Variants in FRMD5 observed in about 807,000 individuals in gnomAD.
The protein encoded by FRMD5 is FERM domain containing 5, also known as FERM domain-containing protein 5.
FRMD5 carries 20 observed loss-of-function variants against 69.0 expected under a neutral mutation model. That is an observed-to-expected ratio of 0.29 (90% CI 0.20 to 0.42). The LOEUF is 0.42. Among genes scored for constraint, FRMD5 ranks in the 10% least tolerant of loss-of-function variants. FRMD5 has a pLI of 1.00. For synonymous variants in FRMD5, 271 were observed against 260.1 expected (o/e 1.04, Z -0.40); for missense variants, 595 against 708.6 (o/e 0.84, Z 1.82).
At chr15:44,198,041 T>A (rs2696077), upstream of FRMD5, among the ~76,000 whole-genome samples, 18,034 of 152,192 alleles carry the variant, frequency 0.12, 2,564 homozygotes, top group African/African-American at 0.34. Flanking sequence ...CTGGGTGCAG[T>A]GGCTCATGCC....
At chr15:43,973,156 G>A (rs932864952) in intron 1 of FRMD5, among the ~76,000 whole-genome samples, 2 of 151,908 alleles carry the variant, frequency 1.3e-5, no homozygotes, top group African/African-American at 2.4e-5. Context: ...CCGAGTAGCT[G>A]GGACTACAGA....
chr15:43,986,679 T>C (rs1299403608), intron 1 of FRMD5, among the ~76,000 whole-genome samples: 1 of 149,874 alleles, frequency 6.7e-6, no homozygotes, highest in Non-Finnish European at 1.5e-5. Flanking sequence ...TCATAAACTA[T>C]ATGACAAAAA....
intron 1 of FRMD5, among the ~76,000 whole-genome samples, chr15:44,104,215 C>T (rs2076680723): frequency 6.6e-6 from 1 of 151,970 alleles, no homozygotes; most frequent in South Asian, 2.1e-4. Context: ...TAGCGAAAAG[C>T]TTATAGAATA....
chr15:44,119,054 G>T (rs963579373), intron 1 of FRMD5, among the ~76,000 whole-genome samples: 10 of 152,134 alleles, frequency 6.6e-5, no homozygotes, highest in African/African-American at 2.4e-4. Flanking sequence ...CCTCGACCTC[G>T]TGGGCTCAAG....
chr15:44,140,517 A>G (rs1018902703), intron 1 of FRMD5, among the ~76,000 whole-genome samples: 1 of 152,104 alleles, frequency 6.6e-6, no homozygotes, highest in South Asian at 2.1e-4. Flanking sequence ...AGAAAAATAA[A>G]AGGCACAAGA....
At chr15:44,012,605 T>C (rs927448323) in intron 1 of FRMD5, among the ~76,000 whole-genome samples, 9 of 152,130 alleles carry the variant, frequency 5.9e-5, no homozygotes, top group African/African-American at 2.2e-4. Flanking sequence ...TTGAGAAGTG[T>C]TGTGGGTGGC....
chr15:43,965,576 CTTTTTTTTTT>C (rs35986581), intron 1 of FRMD5, among the ~76,000 whole-genome samples: 2 of 110,408 alleles, frequency 1.8e-5, no homozygotes, highest in African/African-American at 6.8e-5. Flanking sequence ...TTTAAAAAGT[CTTTTTTTTTT>C]TTTTTTTTTT....
Position 44,064,706 on chromosome 15 carries a change from T to A in FRMD5, c.102+130247A>T, listed in dbSNP as rs144810766. 3.9e-5 allele frequency among the ~76,000 whole-genome samples: 6 copies of A among 152,350 alleles called. No individual in the cohort carries two copies. The East Asian group carries it at 1.2e-3, about 29-fold the overall frequency. ...TATCAGAAAGCACACTGTAGTCTTA[T>A]ATTACCTCCATTTCAAATCCAACTT... On this transcript the variant is annotated intron_variant, in intron 1 of 13. Transcript: ENST00000417257.
chr15:43,964,481 A>AAAC (rs1269048235), intron 1 of FRMD5, among the ~76,000 whole-genome samples: 1 of 144,412 alleles, frequency 6.9e-6, no homozygotes, highest in East Asian at 2.0e-4. Flanking sequence ...ACCCTGTTTC[A>AAAC]AACAAACAAA....
At chr15:43,999,129 G>A (rs1249073807) in intron 1 of FRMD5, among the ~76,000 whole-genome samples, 2 of 152,074 alleles carry the variant, frequency 1.3e-5, no homozygotes, top group East Asian at 1.9e-4. Context: ...GTGTGGTGGT[G>A]TGATCTCGGC....
intron 1 of FRMD5, among the ~76,000 whole-genome samples, chr15:43,979,940 T>C (rs1027164882): frequency 6.6e-6 from 1 of 152,180 alleles, no homozygotes; most frequent in Non-Finnish European, 1.5e-5. Context: ...AAACCAACTC[T>C]AATTGGAGAA....
intron 1 of FRMD5, among the ~76,000 whole-genome samples, chr15:44,035,786 GTTTTATA>G (rs1344570186): frequency 6.6e-6 from 1 of 152,036 alleles, no homozygotes; most frequent in Non-Finnish European, 1.5e-5. Flanking sequence ...AAAAATCTAT[GTTTTATA>G]TTTTATGTTT....
chr15:43,965,343 G>T (rs1469641946), intron 1 of FRMD5, among the ~76,000 whole-genome samples: 2 of 152,216 alleles, frequency 1.3e-5, no homozygotes, highest in African/African-American at 2.4e-5. Context: ...ACGTGTCAGG[G>T]ACTGTACATA....
intron 4 of FRMD5, chr15:43,917,888 A>G (rs2089421896): frequency 6.6e-6 from 1 of 152,258 alleles, no homozygotes; most frequent in Non-Finnish European, 1.5e-5. Flanking sequence ...CAGTGCTTCA[A>G]AGTAGGTGGG....
At chr15:43,946,420 CACTA>C (rs1228471244) in intron 1 of FRMD5, among the ~76,000 whole-genome samples, 4 of 152,176 alleles carry the variant, frequency 2.6e-5, no homozygotes, top group Admixed American at 6.5e-5. Flanking sequence ...AGAGTCTGAG[CACTA>C]ACTATGTGCC....
chr15:43,909,814 T>C (rs2052693601), intron 5 of FRMD5, 68 bp downstream of exon 5: 1 of 920,406 alleles, frequency 1.1e-6, no homozygotes, highest in Admixed American at 1.9e-5. Flanking sequence ...GAGTCATCAG[T>C]GCTAACTGAA....
intron 4 of FRMD5, among the ~76,000 whole-genome samples, chr15:43,915,852 T>G (rs1421950868): frequency 6.6e-6 from 1 of 152,132 alleles, no homozygotes; most frequent in African/African-American, 2.4e-5. Flanking sequence ...CACTGACAGC[T>G]AAATTAGTTT....
intron 1 of FRMD5, among the ~76,000 whole-genome samples, chr15:44,130,848 G>C (rs1441311844): frequency 6.6e-6 from 1 of 152,046 alleles, no homozygotes; most frequent in Non-Finnish European, 1.5e-5. Context: ...AAACTAGTTG[G>C]TGTTTACATT....
At chr15:43,914,651 C>T (rs988495324) in intron 4 of FRMD5, among the ~76,000 whole-genome samples, 5 of 151,396 alleles carry the variant, frequency 3.3e-5, no homozygotes, top group African/African-American at 9.8e-5. Flanking sequence ...ACAATAAAGA[C>T]TCACATTTAC....
Sources: allele counts gnomAD v4.1 joint callset (sites outside exome capture counted in the v4.1 genomes callset), GRCh38; gene constraint gnomAD v4.1.1; transcripts MANE v1.5; gene names NCBI Gene and HGNC (gene_info 2026-07-23, HGNC 2026-07-21).